The following ABCC5 variants were observed in gnomAD, a reference collection of about 807,000 sequenced individuals.
ABCC5 encodes ATP-binding cassette sub-family C member 5.
In ABCC5, 61 loss-of-function variants were observed where a neutral mutation model predicts 160.9. That is an observed-to-expected ratio of 0.38 (90% confidence interval 0.31 to 0.47). The LOEUF (loss-of-function observed/expected upper bound fraction) is 0.47, where lower values mean the gene tolerates loss of function less well. Ranked by LOEUF, ABCC5 falls within the 20% of genes least tolerant of loss-of-function variation. The pLI, the probability that ABCC5 is intolerant of heterozygous loss-of-function variation, is 0.99. For missense variants in ABCC5, 1,308 were observed against 1,813.3 expected, an observed-to-expected ratio of 0.72 and a Z score of 5.06; for synonymous variants, 666 against 700.6, an observed-to-expected ratio of 0.95 and a Z score of 0.78.
At chr3:183,994,350 C>T (rs931104037) in intron 2 of ABCC5, among the ~76,000 whole-genome samples, 1 of 150,686 alleles carries the variant, frequency 6.6e-6, no homozygotes. Flanking sequence ...AGTTTCCCCA[C>T]ATCCTCACCA....
At position 183,970,506 on chromosome 3, in the gene ABCC5, G is replaced by A. The variant is rs143969662; in HGVS notation, c.1761+1057C>T. ...GCCACCCAGGCTGGAGTGCAGTAGC[G>A]CGATCTCAGCTCACTGTAACCTACA... On this transcript the variant is annotated intron_variant, in intron 11 of 29. Transcript: ENST00000334444. Among the ~76,000 whole-genome samples the A allele has an allele frequency of 4.6e-5, 7 of 150,908 alleles. No individual in the cohort carries two copies. The East Asian group carries it at 7.8e-4, about 17-fold the overall frequency.
chr3:183,962,208 A>C (rs912966228), intron 15 of ABCC5, among the ~76,000 whole-genome samples: 2 of 152,228 alleles, frequency 1.3e-5, no homozygotes, highest in Non-Finnish European at 2.9e-5. Context: ...ATTAGCCTAC[A>C]GTTGGGCAAA....
chr3:183,950,628 C>T (rs952990021), intron 20 of ABCC5, among the ~76,000 whole-genome samples: 2 of 152,198 alleles, frequency 1.3e-5, no homozygotes, highest in South Asian at 4.1e-4. Flanking sequence ...TATTTTCATG[C>T]AAATCCCAGA....
At chr3:183,959,942 A>G in intron 16 of ABCC5, 107 bp from the exon 17 acceptor site, 1 of 726,716 alleles carries the variant, frequency 1.4e-6, no homozygotes, top group South Asian at 2.0e-5. Context: ...TACTGAAAAA[A>G]GATACATCCA....
intron 16 of ABCC5, among the ~76,000 whole-genome samples, chr3:183,960,162 A>G (rs1716590689): frequency 2.0e-5 from 3 of 152,122 alleles, no homozygotes; most frequent in Non-Finnish European, 1.5e-5. Flanking sequence ...CCACATCACT[A>G]AACCAAATCC....
chr3:183,938,035 G>A lies in ABCC5; in HGVS notation c.3720C>T (p.Leu1240=), dbSNP rs575034436. The change falls in exon 26 of 30, where the codon CTC becomes CTT. Residue 1240 remains leucine, a synonymous_variant. Transcript: ENST00000334444. ...CTCCAGATAACTCCACCAGACGGAA[G>A]AGGGCCATCCCCAGCGAGGACTTCC... is the stretch of plus-strand genomic sequence containing the variant. ...GSGKSSLGMA[L]FRLVELSGGC... 7 of 1,614,202 alleles carry A rather than the reference G, an allele frequency of 4.3e-6. No homozygotes were observed. The South Asian group carries it at 6.6e-5, about 15-fold the overall frequency.
chr3:183,924,208 C>T (rs1712296928), intron 29 of ABCC5, among the ~76,000 whole-genome samples: 1 of 151,974 alleles, frequency 6.6e-6, no homozygotes, highest in Non-Finnish European at 1.5e-5. Flanking sequence ...TTGGTAGAGA[C>T]GGCGTTTCGT....
intron 16 of ABCC5, among the ~76,000 whole-genome samples, chr3:183,961,271 A>G (rs1716707303): frequency 6.6e-6 from 1 of 152,154 alleles, no homozygotes; most frequent in South Asian, 2.1e-4. Flanking sequence ...TCTCCCTGCC[A>G]TTGTCATATT....
At chr3:183,983,816 TCACAAACA>T in intron 5 of ABCC5, 1 of 985,462 alleles carries the variant, frequency 1.0e-6, no homozygotes. Context: ...AAAGAGCATC[TCACAAACA>T]CTGTACAGCA....
Position 183,988,839 on chromosome 3 carries a change from C to T in ABCC5, c.288-112G>A. On this transcript the variant is annotated intron_variant, in intron 3 of 29. Transcript: ENST00000334444. The surrounding 1 kb of genome is among the most constrained non-coding windows in gnomAD (Gnocchi z 4.4). Reference sequence around the variant, plus strand: ...GCTCTTAGCTAAAGACCAGTCTCCCCAGATGATCTAATCTTAGCCTGAATG... The same window carrying T: ...GCTCTTAGCTAAAGACCAGTCTCCCTAGATGATCTAATCTTAGCCTGAATG... The T allele has an allele frequency of 7.9e-7, 1 of 1,263,244 alleles. No individual in the cohort carries two copies. Among genetic ancestry groups the T allele is most frequent in the Non-Finnish European group, 1.1e-6 (1 of 926,716 alleles). 78.3% of individuals were successfully genotyped at this position (1,263,244 alleles called of 1,614,324 possible).
At position 184,014,665 on chromosome 3, in the gene ABCC5, C is replaced by T. The variant is rs188095034; in HGVS notation, c.-55-218G>A. On this transcript the variant is annotated intron_variant, in intron 1 of 29. Coordinates refer to ENST00000334444, the MANE Select transcript of ABCC5 (RefSeq NM_005688.4). ...GTATAAGAGAATCAAGAAAAATTAC[C>T]TTCTCCCAACTCTAAGGGAAAAAAA... Among the ~76,000 whole-genome samples the T allele has an allele frequency of 3.3e-3, 497 of 151,918 alleles. 1 individual carries two copies. Among genetic ancestry groups the T allele is most frequent in the African/African-American group, 0.011 (458 of 41,470 alleles).
Position 183,973,721 on chromosome 3 carries a change from C to A in ABCC5, c.1405-1802G>T, listed in dbSNP as rs1717973728. Among the ~76,000 whole-genome samples the A allele has an allele frequency of 3.3e-5, 5 of 152,146 alleles. No individual in the cohort carries two copies. In the South Asian group the frequency reaches 1.0e-3, roughly 32 times the overall value. On this transcript the variant is annotated intron_variant, in intron 10 of 29. Transcript: ENST00000334444. Reference sequence around the variant, plus strand: ...CACTCTCGAGTAACCTTAGGTGTGGCCCCCGCTTGCTGAAATGGCTGCTGC... The same window carrying A: ...CACTCTCGAGTAACCTTAGGTGTGGACCCCGCTTGCTGAAATGGCTGCTGC...
At chr3:183,975,343 G>A (rs1321688232) in intron 10 of ABCC5, among the ~76,000 whole-genome samples, 1 of 151,986 alleles carries the variant, frequency 6.6e-6, no homozygotes. Flanking sequence ...ATAAACACTC[G>A]TTATCTTTTT....
At chr3:183,981,065 T>C (rs1718699914) in intron 8 of ABCC5, among the ~76,000 whole-genome samples, 1 of 152,240 alleles carries the variant, frequency 6.6e-6, no homozygotes, top group South Asian at 2.1e-4. Flanking sequence ...TTCACAGCAC[T>C]GGACTCAGCT....
chr3:183,987,020 T>C lies in ABCC5; in HGVS notation c.591+750A>G, dbSNP rs1314779577. 6.6e-6 allele frequency: 1 copy of C among 152,220 alleles called. No homozygotes were observed. The highest frequency in any genetic ancestry group is 2.4e-5 in the African/African-American group (1 of 41,442). 9.4% of individuals were successfully genotyped at this position (152,220 alleles called of 1,614,324 possible). On this transcript the variant is annotated intron_variant, in intron 5 of 29. Coordinates refer to ENST00000334444, the MANE Select transcript of ABCC5 (RefSeq NM_005688.4). This position sits in a 1 kb window ranked among gnomAD's most constrained non-coding sequence, Gnocchi z 4.2. ...CTTAGGCACATACTTACCAAAACCA[T>C]GAACCTCCAGCTTACCCACATATGG...
rs920475748 is a variant in ABCC5, at chr3:183,961,400, G to A, written c.2379+111C>T. On this transcript the variant is annotated intron_variant, in intron 16 of 29. Coordinates refer to ENST00000334444, the MANE Select transcript of ABCC5 (RefSeq NM_005688.4). ...CTGTTCACCAGAAAACAGGGCCCCT[G>A]CCAATAAGACACAGACACTGGATTC... 6 of 1,355,820 alleles carry A rather than the reference G, an allele frequency of 4.4e-6. No homozygotes were observed. In the African/African-American group the frequency reaches 7.3e-5, roughly 16 times the overall value. The allele number at this position is 1,355,820 out of a possible 1,614,324, so 84.0% of individuals were successfully genotyped here.
Position 183,988,562 on chromosome 3 carries a change from A to G in ABCC5, c.443+10T>C. ...CATGGGGGAGATGAGGGTGGACCAG[A>G]GGCGCCTACCTTCTGCAGTTCACGT... On this transcript the variant is annotated intron_variant, in intron 4 of 29. Transcript: ENST00000334444. The surrounding 1 kb of genome is among the most constrained non-coding windows in gnomAD (Gnocchi z 4.4). The G allele has an allele frequency of 6.2e-7, 1 of 1,608,858 alleles. No individual in the cohort carries two copies. Among genetic ancestry groups the G allele is most frequent in the Non-Finnish European group, 8.5e-7 (1 of 1,178,154 alleles).
At chr3:183,994,978 A>G (rs986565146) in intron 2 of ABCC5, among the ~76,000 whole-genome samples, 1 of 151,114 alleles carries the variant, frequency 6.6e-6, no homozygotes, top group Non-Finnish European at 1.5e-5. Context: ...CCACCTCCCA[A>G]GTAGCTGGGA....
rs996383139 is a variant in ABCC5, at chr3:183,949,655, A to G, written c.3227+98T>C. ...ATGAATACCCTTGGTAATGAGGTTT[A>G]TAATCCCCATCTCTGGCCTTGAAGA... On this transcript the variant is annotated intron_variant, in intron 22 of 29. Coordinates refer to ENST00000334444, the MANE Select transcript of ABCC5 (RefSeq NM_005688.4). This position sits in a 1 kb window ranked among gnomAD's most constrained non-coding sequence, Gnocchi z 4.2. The G allele has an allele frequency of 1.4e-6, 2 of 1,448,836 alleles. No individual in the cohort carries two copies. The highest frequency in any genetic ancestry group is 2.7e-5 in the South Asian group (2 of 73,290). The allele number at this position is 1,448,836 out of a possible 1,614,324, so 89.7% of individuals were successfully genotyped here.
Sources: allele counts gnomAD v4.1 joint callset (sites outside exome capture counted in the v4.1 genomes callset), GRCh38; gene constraint gnomAD v4.1.1; non-coding constraint Gnocchi (gnomAD v3.1); transcripts MANE v1.5; gene names NCBI Gene and HGNC (gene_info 2026-07-23, HGNC 2026-07-21).